Variants in FILIP1L observed in about 807,000 individuals in gnomAD.
FILIP1L encodes filamin A-interacting protein 1-like.
Under a neutral mutation model 96.6 loss-of-function variants are expected in FILIP1L, and 55 were observed. The observed-to-expected ratio is 0.57, with a 90% CI of 0.46 to 0.71. The LOEUF (loss-of-function observed/expected upper bound fraction) is 0.71, where lower values mean the gene tolerates loss of function less well. Among genes scored for constraint, FILIP1L ranks in the 30% least tolerant of loss-of-function variants. The probability of loss-of-function intolerance (pLI) is 0.00; values close to 1 mark genes in which losing one functional copy is unlikely to be tolerated. For synonymous variants in FILIP1L, 467 were observed against 473.9 expected (o/e 0.99, Z 0.19); for missense variants, 1,304 against 1,321.2 (o/e 0.99, Z 0.20).
chr3:99,904,579 C>T (rs543379486), intron 4 of FILIP1L, among the ~76,000 whole-genome samples: 7 of 151,956 alleles, frequency 4.6e-5, no homozygotes, highest in South Asian at 2.1e-4. Context: ...CATAGTAAGC[C>T]TTGAGGTTTC....
chr3:99,960,643 C>T lies in FILIP1L; in HGVS notation c.-10-29613G>A, dbSNP rs76204790. ...CTTCCTAATCATTAGATTGACATCT[C>T]AAGGTAGGGGAGAAGTAGGGGAGTC... On this transcript the variant is annotated intron_variant, in intron 1 of 5. Coordinates refer to ENST00000477258, the MANE Select transcript of FILIP1L (RefSeq NM_001387850.1). Among the ~76,000 whole-genome samples, 82 of 152,288 alleles carry T rather than the reference C, an allele frequency of 5.4e-4. 1 individual carries two copies. In the East Asian group the frequency reaches 0.014, roughly 25 times the overall value.
At chr3:100,070,850 C>G (rs538045235) in intron 1 of FILIP1L, among the ~76,000 whole-genome samples, 2 of 152,154 alleles carry the variant, frequency 1.3e-5, no homozygotes, top group Non-Finnish European at 2.9e-5. Flanking sequence ...AGGATATTCA[C>G]GAACTCCTGA....
chr3:99,924,852 G>A (rs948415792), intron 3 of FILIP1L, among the ~76,000 whole-genome samples: 2 of 152,132 alleles, frequency 1.3e-5, no homozygotes, highest in Non-Finnish European at 2.9e-5. Context: ...CTTGTTTAGT[G>A]TTTATTCTCT....
chr3:100,112,807 T>G (rs780822072), intron 1 of FILIP1L, among the ~76,000 whole-genome samples: 16 of 152,258 alleles, frequency 1.1e-4, no homozygotes, highest in Non-Finnish European at 1.5e-5. Context: ...CAAACAGCTC[T>G]TACAGTATTT....
chr3:100,053,804 A>C (rs1313300232), intron 1 of FILIP1L, among the ~76,000 whole-genome samples: 2 of 152,220 alleles, frequency 1.3e-5, no homozygotes, highest in African/African-American at 4.8e-5. Context: ...TCAATTCTTT[A>C]GTGACTGCCA....
chr3:100,000,931 G>A (rs1709824288), intron 1 of FILIP1L, among the ~76,000 whole-genome samples: 3 of 151,748 alleles, frequency 2.0e-5, no homozygotes, highest in Admixed American at 2.0e-4. Flanking sequence ...CAAGACACTT[G>A]TAAGAGTAGC....
At chr3:100,073,831 A>T (rs747976412) in intron 1 of FILIP1L, among the ~76,000 whole-genome samples, 1 of 151,776 alleles carries the variant, frequency 6.6e-6, no homozygotes, top group Non-Finnish European at 1.5e-5. Flanking sequence ...CTTTCCACTC[A>T]CTCTTTTTAA....
intron 1 of FILIP1L, among the ~76,000 whole-genome samples, chr3:100,112,174 A>G (rs539411245): frequency 2.6e-5 from 4 of 152,238 alleles, no homozygotes; most frequent in Non-Finnish European, 5.9e-5. Context: ...TTCTACTCTA[A>G]GGAAAATAAA....
intron 4 of FILIP1L, among the ~76,000 whole-genome samples, chr3:99,852,478 A>T (rs1943746468): frequency 6.6e-6 from 1 of 151,804 alleles, no homozygotes; most frequent in Non-Finnish European, 1.5e-5. Flanking sequence ...ATTGAGTCTC[A>T]CTCTGTCGCC....
chr3:99,929,329 AG>A (rs1367422020), intron 3 of FILIP1L, among the ~76,000 whole-genome samples: 5 of 152,216 alleles, frequency 3.3e-5, no homozygotes, highest in African/African-American at 1.2e-4. Flanking sequence ...TGAAGGAAAA[AG>A]AAGGTATGCA....
chr3:99,855,307 C>A (rs1047238090), intron 4 of FILIP1L, among the ~76,000 whole-genome samples: 4 of 152,124 alleles, frequency 2.6e-5, no homozygotes, highest in Admixed American at 6.5e-5. Flanking sequence ...TCAGTAGCTA[C>A]ATTTTCATGC....
At chr3:99,887,799 A>G (rs1705956765) in intron 4 of FILIP1L, among the ~76,000 whole-genome samples, 1 of 152,214 alleles carries the variant, frequency 6.6e-6, no homozygotes, top group Admixed American at 6.5e-5. Flanking sequence ...CAGTGGCACA[A>G]TCACGGGTCA....
At chr3:99,913,238 G>A (rs948494141) in intron 4 of FILIP1L, among the ~76,000 whole-genome samples, 4 of 152,102 alleles carry the variant, frequency 2.6e-5, no homozygotes, top group Non-Finnish European at 5.9e-5. Flanking sequence ...CAGCCCCAGC[G>A]GACTAAGGCA....
At chr3:99,945,269 G>A (rs547938209) in intron 1 of FILIP1L, among the ~76,000 whole-genome samples, 18 of 152,250 alleles carry the variant, frequency 1.2e-4, no homozygotes, top group African/African-American at 4.1e-4. Context: ...TCATCGCTAC[G>A]AAGGAGTGCT....
chr3:100,062,403 G>A (rs892224517), intron 1 of FILIP1L, among the ~76,000 whole-genome samples: 5 of 151,934 alleles, frequency 3.3e-5, no homozygotes, highest in South Asian at 2.1e-4. Flanking sequence ...GAGCCACCGC[G>A]CCCGGTCTAT....
At chr3:100,001,538 C>CT in intron 1 of FILIP1L, among the ~76,000 whole-genome samples, 1 of 152,252 alleles carries the variant, frequency 6.6e-6, no homozygotes, top group Admixed American at 6.5e-5. Flanking sequence ...CTTTAAAACT[C>CT]TATCTGATTG....
intron 1 of FILIP1L, among the ~76,000 whole-genome samples, chr3:100,050,294 A>T (rs2065348131): frequency 6.6e-6 from 1 of 152,204 alleles, no homozygotes; most frequent in African/African-American, 2.4e-5. Context: ...GTGCCCTCTA[A>T]TGAGTCAGGA....
chr3:99,835,007 C>T (rs530226393), intron 5 of FILIP1L, among the ~76,000 whole-genome samples: 156 of 152,342 alleles, frequency 1.0e-3, no homozygotes, highest in African/African-American at 3.5e-3. Context: ...TGATCATCAT[C>T]AGCATCATCT....
intron 1 of FILIP1L, among the ~76,000 whole-genome samples, chr3:100,086,413 T>A (rs560725219): frequency 6.6e-6 from 1 of 152,064 alleles, no homozygotes; most frequent in Non-Finnish European, 1.5e-5. Flanking sequence ...TCTAATACCA[T>A]AAAGGGGGAA....
Sources: allele counts gnomAD v4.1 joint callset (sites outside exome capture counted in the v4.1 genomes callset), GRCh38; gene constraint gnomAD v4.1.1; transcripts MANE v1.5; gene names NCBI Gene and HGNC (gene_info 2026-07-23, HGNC 2026-07-21).